The following HS3ST3A1 variants were observed in gnomAD, a reference collection of about 807,000 sequenced individuals.
HS3ST3A1 encodes heparan sulfate glucosamine 3-O-sulfotransferase 3A1.
HS3ST3A1 carries 19 observed loss-of-function variants against 25.7 expected under a neutral mutation model. The observed-to-expected ratio is 0.74, with a 90% CI of 0.52 to 1.08. The LOEUF (loss-of-function observed/expected upper bound fraction) is 1.08, where lower values mean the gene tolerates loss of function less well. HS3ST3A1 is among the 50% of genes least tolerant of loss of function. HS3ST3A1 has a pLI of 0.00. For synonymous variants in HS3ST3A1, 226 were observed against 278.6 expected, an observed-to-expected ratio of 0.81 and a Z score of 1.88; for missense variants, 459 against 594.3, an observed-to-expected ratio of 0.77 and a Z score of 2.37.
At chr17:13,580,961 G>T (rs1207365404) in intron 1 of HS3ST3A1, among the ~76,000 whole-genome samples, 1 of 152,166 alleles carries the variant, frequency 6.6e-6, no homozygotes, top group Non-Finnish European at 1.5e-5. Flanking sequence ...GCATGTACCT[G>T]CATGTGTGTG....
chr17:13,582,043 A>G (rs1210191127), intron 1 of HS3ST3A1, among the ~76,000 whole-genome samples: 2 of 152,298 alleles, frequency 1.3e-5, no homozygotes, highest in Non-Finnish European at 2.9e-5. Context: ...AAGCAAACAG[A>G]CACACAAAAA....
chr17:13,553,592 T>A (rs1907297187), intron 1 of HS3ST3A1, among the ~76,000 whole-genome samples: 1 of 152,196 alleles, frequency 6.6e-6, no homozygotes, highest in African/African-American at 2.4e-5. Flanking sequence ...GAACAGCAGT[T>A]CAAATCCCCT....
chr17:13,530,560 T>A (rs944442468), intron 1 of HS3ST3A1, among the ~76,000 whole-genome samples: 12 of 152,306 alleles, frequency 7.9e-5, no homozygotes, highest in African/African-American at 2.9e-4. Flanking sequence ...TCACACTAAC[T>A]TTTAAAAATC....
intron 1 of HS3ST3A1, among the ~76,000 whole-genome samples, chr17:13,549,728 G>A (rs982504143): frequency 6.6e-6 from 1 of 152,132 alleles, no homozygotes; most frequent in Non-Finnish European, 1.5e-5. Flanking sequence ...GTTCCATGCC[G>A]ACTGTCACAC....
intron 1 of HS3ST3A1, among the ~76,000 whole-genome samples, chr17:13,577,196 A>T (rs1416325473): frequency 1.3e-5 from 2 of 152,186 alleles, no homozygotes; most frequent in African/African-American, 2.4e-5. Context: ...TCCATGACAC[A>T]TGGAAATTAT....
intron 1 of HS3ST3A1, among the ~76,000 whole-genome samples, chr17:13,535,012 G>A (rs1378424756): frequency 6.9e-6 from 1 of 145,482 alleles, no homozygotes; most frequent in African/African-American, 2.8e-5. Flanking sequence ...GGCAACAAGA[G>A]CAAAACTCCA....
At chr17:13,559,761 A>G (rs1408144537) in intron 1 of HS3ST3A1, among the ~76,000 whole-genome samples, 1 of 151,976 alleles carries the variant, frequency 6.6e-6, no homozygotes, top group Non-Finnish European at 1.5e-5. Flanking sequence ...GGATGGAAGC[A>G]CAGGCTATCC....
At chr17:13,524,175 A>G (rs1185225452) in intron 1 of HS3ST3A1, among the ~76,000 whole-genome samples, 2 of 152,150 alleles carry the variant, frequency 1.3e-5, no homozygotes, top group Admixed American at 1.3e-4. Flanking sequence ...GTATATACAC[A>G]TTTTACAAAT....
intron 1 of HS3ST3A1, among the ~76,000 whole-genome samples, chr17:13,527,693 G>A (rs192213615): frequency 6.6e-6 from 1 of 152,292 alleles, no homozygotes; most frequent in East Asian, 1.9e-4. Context: ...AACAAACTCT[G>A]CTCCAATGTA....
chr17:13,578,439 T>C (rs1908008692), intron 1 of HS3ST3A1, among the ~76,000 whole-genome samples: 1 of 149,744 alleles, frequency 6.7e-6, no homozygotes, highest in East Asian at 2.0e-4. Flanking sequence ...GGTGGGCGCC[T>C]GTAGTCCCAG....
At chr17:13,516,321 A>AAAT (rs1555537646) in intron 1 of HS3ST3A1, among the ~76,000 whole-genome samples, 11 of 151,998 alleles carry the variant, frequency 7.2e-5, no homozygotes, top group Admixed American at 2.0e-4. Context: ...AAAAAATAAA[A>AAAT]AAATAAATAA....
chr17:13,511,383 TG>T (rs2142306895), intron 1 of HS3ST3A1, among the ~76,000 whole-genome samples: 1 of 152,212 alleles, frequency 6.6e-6, no homozygotes, highest in East Asian at 1.9e-4. Context: ...GGGAAGGATT[TG>T]GGTGAGGGAA....
At chr17:13,512,388 G>C (rs775989740) in intron 1 of HS3ST3A1, among the ~76,000 whole-genome samples, 1 of 151,652 alleles carries the variant, frequency 6.6e-6, no homozygotes, top group Non-Finnish European at 1.5e-5. Flanking sequence ...ACAGAAAGCA[G>C]ATTAGTTGTT....
chr17:13,597,221 T>C (rs1447523956), intron 1 of HS3ST3A1, among the ~76,000 whole-genome samples: 1 of 152,134 alleles, frequency 6.6e-6, no homozygotes, highest in Non-Finnish European at 1.5e-5. Flanking sequence ...CATATGTATG[T>C]GTATGTGTAC....
chr17:13,573,778 G>C (rs1290421870), intron 1 of HS3ST3A1, among the ~76,000 whole-genome samples: 1 of 152,164 alleles, frequency 6.6e-6, no homozygotes, highest in Non-Finnish European at 1.5e-5. Flanking sequence ...AGGAGCTGGG[G>C]GCCTTTGCGA....
intron 1 of HS3ST3A1, among the ~76,000 whole-genome samples, chr17:13,535,409 C>G (rs1037939710): frequency 6.6e-6 from 1 of 152,138 alleles, no homozygotes; most frequent in Non-Finnish European, 1.5e-5. Context: ...AACCAAGTCT[C>G]CAAATACATG....
At chr17:13,559,461 CATAT>C (rs541451305) in intron 1 of HS3ST3A1, among the ~76,000 whole-genome samples, 212 of 150,188 alleles carry the variant, frequency 1.4e-3, no homozygotes, top group Middle Eastern at 3.6e-3. Flanking sequence ...CAATTACATA[CATAT>C]ATTTTAATGT....
chr17:13,570,289 C>T (rs918674840), intron 1 of HS3ST3A1, among the ~76,000 whole-genome samples: 3 of 146,886 alleles, frequency 2.0e-5, no homozygotes, highest in Non-Finnish European at 2.9e-5. Context: ...TCGTTGTTTC[C>T]TTCTTGAACT....
chr17:13,587,787 A>G (rs1246712630), intron 1 of HS3ST3A1, among the ~76,000 whole-genome samples: 2 of 152,202 alleles, frequency 1.3e-5, no homozygotes, highest in Non-Finnish European at 2.9e-5. Flanking sequence ...TCAAAACAGA[A>G]TATTTGTAGT....
Sources: gnomAD v4.1 joint callset for allele counts (sites outside exome capture counted in the v4.1 genomes callset) on GRCh38, gnomAD v4.1.1 for gene constraint, MANE v1.5 for transcripts, NCBI Gene and HGNC (gene_info 2026-07-23, HGNC 2026-07-21) for gene names.